Variants in COG6 observed in about 807,000 individuals in gnomAD.
COG6 encodes the protein component of oligomeric golgi complex 6, also known as conserved oligomeric Golgi complex subunit 6.
A neutral mutation model predicts 88.8 loss-of-function variants in COG6; 74 were observed. That is an observed-to-expected ratio of 0.83 (90% confidence interval 0.69 to 1.01). The LOEUF is 1.01. Ranked by LOEUF, COG6 falls within the 50% of genes least tolerant of loss-of-function variation. The pLI, the probability that COG6 is intolerant of heterozygous loss-of-function variation, is 0.00. For synonymous variants in COG6, 286 were observed against 278.7 expected, an observed-to-expected ratio of 1.03 and a Z score of -0.26; for missense variants, 800 against 797.9, an observed-to-expected ratio of 1.00 and a Z score of -0.03.
intron 4 of COG6, among the ~76,000 whole-genome samples, chr13:39,674,869 G>A (rs151114849): frequency 2.6e-3 from 394 of 152,088 alleles, no homozygotes; most frequent in African/African-American, 9.1e-3. Flanking sequence ...ATTTGGTACC[G>A]TCAGCAGTTT....
chr13:39,762,169 A>T (rs183679463), intron 18 of COG6, among the ~76,000 whole-genome samples: 2 of 152,090 alleles, frequency 1.3e-5, no homozygotes, highest in Admixed American at 1.3e-4. Context: ...ACGCAGTGGA[A>T]TACTATTTAG....
chr13:39,710,687 G>T (rs1322274172), intron 13 of COG6, among the ~76,000 whole-genome samples: 1 of 152,002 alleles, frequency 6.6e-6, no homozygotes, highest in East Asian at 1.9e-4. Flanking sequence ...CTGATTAATT[G>T]GATATCATTA....
At chr13:39,773,761 A>G (rs950367169) in intron 18 of COG6, among the ~76,000 whole-genome samples, 2 of 152,212 alleles carry the variant, frequency 1.3e-5, no homozygotes, top group Admixed American at 1.3e-4. Context: ...TTAAAAGTCA[A>G]TGCATTCCTT....
chr13:39,672,354 G>A (rs1875702028), intron 4 of COG6, among the ~76,000 whole-genome samples: 1 of 151,858 alleles, frequency 6.6e-6, no homozygotes, highest in African/African-American at 2.4e-5. Context: ...TCAGAGTTGT[G>A]CAATCATCAT....
chr13:39,761,164 G>T (rs1333106700), intron 18 of COG6, among the ~76,000 whole-genome samples: 1 of 151,350 alleles, frequency 6.6e-6, no homozygotes, highest in Non-Finnish European at 1.5e-5. Flanking sequence ...TCCTTATTAG[G>T]GTAGTTTTAA....
intron 18 of COG6, among the ~76,000 whole-genome samples, chr13:39,764,812 A>C (rs1267319246): frequency 6.6e-5 from 10 of 152,094 alleles, no homozygotes; most frequent in Non-Finnish European, 1.5e-4. Flanking sequence ...TGTTCTTTCT[A>C]GATTTAGAAA....
intron 18 of COG6, among the ~76,000 whole-genome samples, chr13:39,748,120 A>G (rs1880437270): frequency 6.6e-6 from 1 of 152,226 alleles, no homozygotes; most frequent in Non-Finnish European, 1.5e-5. Flanking sequence ...TATTGCGCTT[A>G]GAAAAGAACT....
At position 39,706,258 on chromosome 13, in the gene COG6, T is replaced by G. The variant is rs1475740993; in HGVS notation, c.1284+6640T>G. 3.2e-5 allele frequency among the ~76,000 whole-genome samples: 4 copies of G among 123,658 alleles called. 1 individual carries two copies. Among genetic ancestry groups the G allele is most frequent in the Admixed American group, 1.6e-4 (2 of 12,714 alleles). The allele number at this position is 123,658 out of a possible 152,430, so 81.1% of individuals were successfully genotyped here. ...CTTTATATATATATATACTCCTTTATATATATATATATATATATATTTAAA... is the reference window on the plus strand; with the variant it reads ...CTTTATATATATATATACTCCTTTAGATATATATATATATATATATTTAAA... On this transcript the variant is annotated intron_variant, in intron 13 of 18. Transcript: ENST00000455146.
At chr13:39,748,015 T>C (rs953815670) in intron 18 of COG6, among the ~76,000 whole-genome samples, 2 of 152,226 alleles carry the variant, frequency 1.3e-5, no homozygotes, top group African/African-American at 4.8e-5. Context: ...GTACTCCTTA[T>C]ATACGATCAA....
chr13:39,747,423 A>G (rs1468916712), intron 18 of COG6, among the ~76,000 whole-genome samples: 1 of 152,054 alleles, frequency 6.6e-6, no homozygotes, highest in Non-Finnish European at 1.5e-5. Flanking sequence ...GCAGTTCCTT[A>G]TTCTTTGCTT....
chr13:39,676,475 A>C (rs1875972836), intron 4 of COG6, among the ~76,000 whole-genome samples: 1 of 152,090 alleles, frequency 6.6e-6, no homozygotes, highest in African/African-American at 2.4e-5. Context: ...GTGATTTATC[A>C]TTTGAAATAA....
chr13:39,754,613 G>C (rs1047123281), downstream of COG6, among the ~76,000 whole-genome samples: 1 of 152,088 alleles, frequency 6.6e-6, no homozygotes, highest in South Asian at 2.1e-4. Context: ...TTAGAAATTT[G>C]CTTGGCATAG....
Position 39,711,447 on chromosome 13 carries a change from G to A in COG6, c.1285-7789G>A, listed in dbSNP as rs982754585. On this transcript the variant is annotated intron_variant, in intron 13 of 18. Transcript: ENST00000455146. ...TGAAAATCAAAATTAACACTTCGGT[G>A]TAGTGGTTATAAGCGTGACCTTTGG... is the stretch of plus-strand genomic sequence containing the variant. 2.6e-5 allele frequency among the ~76,000 whole-genome samples: 4 copies of A among 152,112 alleles called. No individual in the cohort carries two copies. In the East Asian group the frequency reaches 5.8e-4, roughly 22 times the overall value.
At chr13:39,674,980 C>G (rs1293088875) in intron 4 of COG6, among the ~76,000 whole-genome samples, 1 of 152,080 alleles carries the variant, frequency 6.6e-6, no homozygotes, top group Non-Finnish European at 1.5e-5. Flanking sequence ...TACATACTTT[C>G]TCGCAACTTT....
At chr13:39,769,757 C>T (rs1406942518) in intron 18 of COG6, among the ~76,000 whole-genome samples, 1 of 152,046 alleles carries the variant, frequency 6.6e-6, no homozygotes, top group Non-Finnish European at 1.5e-5. Context: ...GTGATTAGGT[C>T]ATGTGGCTGG....
chr13:39,745,766 A>G (rs1880308437), intron 18 of COG6, among the ~76,000 whole-genome samples: 1 of 152,208 alleles, frequency 6.6e-6, no homozygotes, highest in Non-Finnish European at 1.5e-5. Context: ...TCATGCTACT[A>G]TAAAGACACA....
chr13:39,655,657 G>A (rs1469922704), upstream of COG6: 7 of 1,520,482 alleles, frequency 4.6e-6, no homozygotes, highest in Non-Finnish European at 6.2e-6. Flanking sequence ...TTGCACATGC[G>A]CAATACTCGC....
chr13:39,724,310 C>T (rs770291280), intron 16 of COG6, among the ~76,000 whole-genome samples, 198 bp from the exon 17 acceptor site: 3 of 151,856 alleles, frequency 2.0e-5, no homozygotes, highest in South Asian at 2.1e-4. Context: ...AACTTGAGCA[C>T]GTCTTGCTCT....
At chr13:39,728,380 A>C (rs1017772749) in intron 18 of COG6, among the ~76,000 whole-genome samples, 1 of 152,158 alleles carries the variant, frequency 6.6e-6, no homozygotes, top group East Asian at 1.9e-4. Context: ...TGAGTATAGA[A>C]CTACAGCAGA....
Sources: gnomAD v4.1 joint callset for allele counts (sites outside exome capture counted in the v4.1 genomes callset) on GRCh38, gnomAD v4.1.1 for gene constraint, MANE v1.5 for transcripts, NCBI Gene and HGNC (gene_info 2026-07-23, HGNC 2026-07-21) for gene names.